Variants in RB1 observed in about 807,000 individuals in gnomAD.
RB1 encodes the protein RB transcriptional corepressor 1.
A neutral mutation model predicts 135.4 loss-of-function variants in RB1; 18 were observed. The ratio of observed to expected loss-of-function variants is 0.13; its 90% CI spans 0.09 to 0.20. The LOEUF (loss-of-function observed/expected upper bound fraction) is 0.20. Ranked by LOEUF, RB1 falls within the 10% of genes least tolerant of loss-of-function variation. The pLI is 1.00. For synonymous variants in RB1, 365 were observed against 373.2 expected, an observed-to-expected ratio of 0.98 and a Z score of 0.25; for missense variants, 868 against 1,110.0, an observed-to-expected ratio of 0.78 and a Z score of 3.10.
chr13:48,424,222 G>T (rs1421898412), intron 17 of RB1: 3 of 152,180 alleles, frequency 2.0e-5, no homozygotes, highest in Non-Finnish European at 4.4e-5. Flanking sequence ...ATATCTTTTA[G>T]CCTAAGGAGA....
At chr13:48,460,033 A>G (rs1212718033) in intron 20 of RB1, among the ~76,000 whole-genome samples, 200 bp downstream of exon 20, 1 of 148,178 alleles carries the variant, frequency 6.7e-6, no homozygotes, top group Non-Finnish European at 1.5e-5. Flanking sequence ...GCAGTGGCGC[A>G]ATCTCGGCTC....
At position 48,381,227 on chromosome 13, in the gene RB1, CTTT is replaced by C; in HGVS notation, c.1499-12_1499-10del. 6.8e-7 allele frequency: 1 copy of C among 1,473,572 alleles called. No homozygotes were observed. Among genetic ancestry groups the C allele is most frequent in the Non-Finnish European group, 9.2e-7 (1 of 1,087,448 alleles). 91.3% of individuals were successfully genotyped at this position (1,473,572 alleles called of 1,614,324 possible). A position where few individuals can be genotyped will look rare whatever the true frequency, so the allele number is the denominator to read the frequency against. On this transcript the variant is annotated splice_polypyrimidine_tract_variant and intron_variant, in intron 16 of 26. Transcript: ENST00000267163. Reference sequence around the variant, plus strand: ...AGGGTTAATATTTCATAAATAGTTACTTTTTTTTTTCATTTTTAGGAAGTACAT... The same window carrying C: ...AGGGTTAATATTTCATAAATAGTTACTTTTTTTCATTTTTAGGAAGTACAT...
intron 19 of RB1, among the ~76,000 whole-genome samples, chr13:48,458,517 A>G (rs1316304097): frequency 6.6e-6 from 1 of 152,176 alleles, no homozygotes; most frequent in Non-Finnish European, 1.5e-5. Flanking sequence ...GTCGTTCCCA[A>G]CCAGCAGAAT....
chr13:48,304,315 C>A (rs369241247), intron 1 of RB1, among the ~76,000 whole-genome samples: 3 of 152,260 alleles, frequency 2.0e-5, no homozygotes, highest in Admixed American at 6.5e-5. Context: ...AGGTGCAGTT[C>A]CCTCTTGTGA....
chr13:48,333,022 C>G, intron 2 of RB1: 1 of 398,342 alleles, frequency 2.5e-6, no homozygotes, highest in Non-Finnish European at 4.4e-6. Flanking sequence ...AATAGGTACT[C>G]CGCTCACCTG....
At chr13:48,340,622 A>G (rs970433145) in intron 2 of RB1, among the ~76,000 whole-genome samples, 1 of 152,088 alleles carries the variant, frequency 6.6e-6, no homozygotes, top group African/African-American at 2.4e-5. Flanking sequence ...GAAAGGACAT[A>G]TATTGAGAGC....
intron 17 of RB1, among the ~76,000 whole-genome samples, chr13:48,414,342 C>CA (rs199626771): frequency 0.014 from 1,272 of 93,018 alleles, 15 homozygotes; most frequent in Middle Eastern, 0.089. Context: ...GAGACTATCT[C>CA]AAAAAAAAAA....
At position 48,471,791 on chromosome 13, in the gene RB1, A is replaced by G. The variant is rs934970096; in HGVS notation, c.2490-1569A>G. ...GTTTGCAGTTTATTGGATGTCCTGT[A>G]AGTTTTGCTTCCTGTGGATTTTTTT... On this transcript the variant is annotated intron_variant, in intron 23 of 26. Coordinates refer to ENST00000267163, the MANE Select transcript of RB1 (RefSeq NM_000321.3). Among the ~76,000 whole-genome samples, 3 of 152,052 alleles carry G rather than the reference A, an allele frequency of 2.0e-5. No homozygotes were observed. In the South Asian group the frequency reaches 6.2e-4, roughly 32 times the overall value.
intron 17 of RB1, among the ~76,000 whole-genome samples, chr13:48,423,140 G>A (rs36000679): frequency 0.025 from 3,829 of 152,162 alleles, 72 homozygotes; most frequent in Non-Finnish European, 0.041. Context: ...AAATAAATAA[G>A]TAAATAAATA....
At chr13:48,387,927 A>G (rs566670917) in intron 17 of RB1, among the ~76,000 whole-genome samples, 2 of 152,116 alleles carry the variant, frequency 1.3e-5, no homozygotes, top group South Asian at 2.1e-4. Context: ...CACTCACACA[A>G]CCATGTTTGT....
At chr13:48,348,390 G>A (rs923983239) in intron 5 of RB1, among the ~76,000 whole-genome samples, 7 of 151,760 alleles carry the variant, frequency 4.6e-5, no homozygotes, top group Non-Finnish European at 1.0e-4. Context: ...AAGGGAAATT[G>A]TATATTTACT....
chr13:48,395,495 G>T (rs113969006), intron 17 of RB1, among the ~76,000 whole-genome samples: 2,080 of 152,030 alleles, frequency 0.014, 44 homozygotes, highest in African/African-American at 0.043. Flanking sequence ...AAGGTTAGAG[G>T]AATTGCTAAC....
intron 18 of RB1, 118 bp from the exon 19 acceptor site, chr13:48,456,086 C>T (rs1265778447): frequency 6.7e-7 from 1 of 1,494,304 alleles, no homozygotes; most frequent in African/African-American, 1.4e-5. Flanking sequence ...TTTAAATAGT[C>T]TGCTATAATA....
chr13:48,438,921 C>A (rs1451481470), intron 17 of RB1, among the ~76,000 whole-genome samples: 1 of 151,236 alleles, frequency 6.6e-6, no homozygotes, highest in African/African-American at 2.5e-5. Flanking sequence ...GTGGGTACTA[C>A]TATGAATGTG....
Position 48,319,379 on chromosome 13 carries a change from C to A in RB1, c.264+11973C>A. The stretch of plus-strand genomic sequence containing the variant: ...GCCGCAGCTAGTACACCTGGATGGC[C>A]TCCTCAGTGCCGTCGTTGCTGCTGG... On this transcript the variant is annotated intron_variant, in intron 2 of 26. Transcript: ENST00000267163. This position sits in a 1 kb window ranked among gnomAD's most constrained non-coding sequence, Gnocchi z 5.0. 2.3e-6 allele frequency: 1 copy of A among 440,510 alleles called. No individual in the cohort carries two copies. Among genetic ancestry groups the A allele is most frequent in the South Asian group, 2.1e-5 (1 of 47,860 alleles). The allele number at this position is 440,510 out of a possible 1,614,324, so 27.3% of individuals were successfully genotyped here. A position where few individuals can be genotyped will look rare whatever the true frequency, so the allele number is the denominator to read the frequency against.
At chr13:48,472,969 T>C (rs916841145) in intron 23 of RB1, among the ~76,000 whole-genome samples, 2 of 151,184 alleles carry the variant, frequency 1.3e-5, no homozygotes, top group South Asian at 4.1e-4. Flanking sequence ...ATTCTGATTA[T>C]TACTTAATAT....
At chr13:48,411,737 T>C in intron 17 of RB1, 1 of 1,609,204 alleles carries the variant, frequency 6.2e-7, no homozygotes, top group East Asian at 2.2e-5. Context: ...CAAAAATCAT[T>C]TTTAAAACCT....
intron 17 of RB1, among the ~76,000 whole-genome samples, chr13:48,413,905 T>C (rs756555770): frequency 5.3e-5 from 8 of 152,136 alleles, no homozygotes; most frequent in Non-Finnish European, 4.4e-5. Context: ...CTTGGCAAAA[T>C]TTTAGGTTCA....
chr13:48,305,854 T>A, intron 1 of RB1, among the ~76,000 whole-genome samples: 1 of 152,204 alleles, frequency 6.6e-6, no homozygotes, highest in Non-Finnish European at 1.5e-5. Context: ...CAGATTCCAT[T>A]CCTGATTTGA....
Sources: gnomAD v4.1 joint callset for allele counts (sites outside exome capture counted in the v4.1 genomes callset) on GRCh38, gnomAD v4.1.1 for gene constraint, Gnocchi (gnomAD v3.1) non-coding constraint, MANE v1.5 for transcripts, NCBI Gene and HGNC (gene_info 2026-07-23, HGNC 2026-07-21) for gene names.